The following DPP6 variants were observed in gnomAD, a reference collection of about 807,000 sequenced individuals.
DPP6 encodes dipeptidyl peptidase like 6, also known as A-type potassium channel modulatory protein DPP6.
DPP6 carries 69 observed loss-of-function variants against 122.6 expected under a neutral mutation model. The ratio of observed to expected loss-of-function variants is 0.56; its 90% CI spans 0.46 to 0.69. DPP6 has a LOEUF of 0.69. Ranked by LOEUF, DPP6 falls within the 30% of genes least tolerant of loss-of-function variation. DPP6 has a pLI of 0.00. For synonymous variants in DPP6, 418 were observed against 433.1 expected (o/e 0.97, Z 0.43); for missense variants, 928 against 1,116.9 (o/e 0.83, Z 2.41).
At chr7:154,529,548 C>G (rs962201392) in intron 3 of DPP6, among the ~76,000 whole-genome samples, 2 of 152,092 alleles carry the variant, frequency 1.3e-5, no homozygotes, top group Admixed American at 6.5e-5. Context: ...AACACATGCT[C>G]AAAATAAAAG....
At chr7:154,518,693 T>C (rs1430677670) in intron 3 of DPP6, among the ~76,000 whole-genome samples, 2 of 152,218 alleles carry the variant, frequency 1.3e-5, no homozygotes, top group African/African-American at 4.8e-5. Flanking sequence ...AAGGCCTAAG[T>C]TACTCAGATG....
intron 1 of DPP6, among the ~76,000 whole-genome samples, chr7:153,911,986 T>C (rs1800110091): frequency 6.6e-6 from 1 of 152,200 alleles, no homozygotes; most frequent in Non-Finnish European, 1.5e-5. Flanking sequence ...AACTTCGGGT[T>C]AAATTAGGAA....
chr7:153,908,826 T>C (rs1489468646), intron 1 of DPP6, among the ~76,000 whole-genome samples: 2 of 152,216 alleles, frequency 1.3e-5, no homozygotes, highest in African/African-American at 4.8e-5. Context: ...CAATCTTGGC[T>C]CACTGCAACC....
At position 154,313,685 on chromosome 7, in the gene DPP6, G is replaced by GTGTGTGTGTATA; in HGVS notation, c.244-132528_244-132527insGTGTGTGTATAT. ...AAGCAACAAGATATTTTAAGATATG[G>GTGTGTGTGTATA]TATATATATATATATATATATATAT... On this transcript the variant is annotated intron_variant, in intron 1 of 25. Coordinates refer to ENST00000377770, the MANE Select transcript of DPP6 (RefSeq NM_130797.4). 2.7e-3 allele frequency among the ~76,000 whole-genome samples: 56 copies of GTGTGTGTGTATA among 20,458 alleles called. 2 individuals carry two copies. The highest frequency in any genetic ancestry group is 6.5e-3 in the South Asian group (2 of 308). 13.4% of individuals were successfully genotyped at this position (20,458 alleles called of 152,430 possible).
intron 7 of DPP6, among the ~76,000 whole-genome samples, chr7:154,672,908 G>A (rs1833827940): frequency 6.6e-6 from 1 of 152,168 alleles, no homozygotes; most frequent in African/African-American, 2.4e-5. Flanking sequence ...GACAAGATGG[G>A]CATGGCTGTG....
At chr7:154,177,767 G>A (rs918848056) in intron 1 of DPP6, among the ~76,000 whole-genome samples, 2 of 152,238 alleles carry the variant, frequency 1.3e-5, no homozygotes, top group Non-Finnish European at 2.9e-5. Flanking sequence ...TGGTACTCCA[G>A]TACTAGGAGT....
chr7:154,315,742 G>T (rs149174619), intron 1 of DPP6, among the ~76,000 whole-genome samples: 2,121 of 152,234 alleles, frequency 0.014, 17 homozygotes, highest in Middle Eastern at 0.031. Flanking sequence ...TCCATGTCAG[G>T]TGATTAAAGG....
At chr7:154,204,154 A>G (rs1799313486) in intron 1 of DPP6, among the ~76,000 whole-genome samples, 1 of 152,234 alleles carries the variant, frequency 6.6e-6, no homozygotes, top group African/African-American at 2.4e-5. Flanking sequence ...ATCCAGGAAC[A>G]ATGTCCACAT....
intron 19 of DPP6, among the ~76,000 whole-genome samples, chr7:154,873,622 G>A (rs1264072815): frequency 3.3e-5 from 5 of 152,136 alleles, no homozygotes; most frequent in Admixed American, 2.6e-4. Flanking sequence ...TTATAGAAAC[G>A]CCCCAGGGCA....
intron 3 of DPP6, among the ~76,000 whole-genome samples, chr7:154,536,997 C>T (rs1828315305): frequency 6.6e-6 from 1 of 151,996 alleles, no homozygotes; most frequent in Admixed American, 6.6e-5. Context: ...TATAGGAGAA[C>T]ATTACTATGA....
the DPP6 span, among the ~76,000 whole-genome samples, chr7:153,845,735 C>G: frequency 6.6e-6 from 1 of 152,028 alleles, no homozygotes; most frequent in Non-Finnish European, 1.5e-5. Flanking sequence ...TTTCTGTTCT[C>G]TTGTGGTTAC....
At chr7:154,759,957 A>C (rs771665836) in intron 8 of DPP6, among the ~76,000 whole-genome samples, 1 of 152,180 alleles carries the variant, frequency 6.6e-6, no homozygotes, top group Non-Finnish European at 1.5e-5. Context: ...CCCCATCTCT[A>C]CTAAAAATAT....
chr7:154,727,758 C>T lies in DPP6; in HGVS notation c.763-9C>T. On this transcript the variant is annotated splice_polypyrimidine_tract_variant and intron_variant, in intron 7 of 25. Coordinates refer to ENST00000377770, the MANE Select transcript of DPP6 (RefSeq NM_130797.4). ...CTTAATATTATGCTTTTTTCTCTTT[C>T]CAAATTAGATATTTATTTTTGAAAA... 2 of 1,602,280 alleles carry T rather than the reference C, an allele frequency of 1.2e-6. No homozygotes were observed. Among genetic ancestry groups the T allele is most frequent in the South Asian group, 1.1e-5 (1 of 88,768 alleles).
At chr7:154,351,703 G>T (rs1210514279) in intron 1 of DPP6, among the ~76,000 whole-genome samples, 2 of 152,194 alleles carry the variant, frequency 1.3e-5, no homozygotes, top group Non-Finnish European at 2.9e-5. Context: ...GGAGGGGAAA[G>T]TTAAGTAAGG....
chr7:154,019,995 C>T (rs1029599879), intron 1 of DPP6, among the ~76,000 whole-genome samples: 188 of 152,214 alleles, frequency 1.2e-3, no homozygotes, highest in African/African-American at 4.4e-3. Context: ...AATCTCACCC[C>T]ATGCTGCCCA....
intron 5 of DPP6, among the ~76,000 whole-genome samples, chr7:154,608,199 T>C (rs1833679166): frequency 1.3e-5 from 2 of 151,180 alleles, no homozygotes; most frequent in South Asian, 4.2e-4. Context: ...CAGGATGGTC[T>C]TGATCTCCTG....
At chr7:154,516,207 T>A (rs1463960036) in intron 3 of DPP6, among the ~76,000 whole-genome samples, 1 of 151,924 alleles carries the variant, frequency 6.6e-6, no homozygotes, top group Non-Finnish European at 1.5e-5. Flanking sequence ...TGGAAGGGTG[T>A]TTTCCTGCTT....
intron 1 of DPP6, chr7:154,058,624 G>C (rs1205468656): frequency 6.7e-6 from 1 of 149,850 alleles, no homozygotes; most frequent in Non-Finnish European, 1.5e-5. Flanking sequence ...CCCAGCTTAG[G>C]ACCCACATCG....
chr7:154,352,691 G>C (rs904852436), intron 1 of DPP6, among the ~76,000 whole-genome samples: 6 of 151,946 alleles, frequency 3.9e-5, no homozygotes, highest in African/African-American at 1.5e-4. Context: ...GTGGGGTAAG[G>C]GGAGGGAGAA....
Sources: allele counts gnomAD v4.1 joint callset (sites outside exome capture counted in the v4.1 genomes callset), GRCh38; gene constraint gnomAD v4.1.1; transcripts MANE v1.5; gene names NCBI Gene and HGNC (gene_info 2026-07-23, HGNC 2026-07-21).